NRXN3: variants seen among roughly 807,000 people sequenced by gnomAD.
NRXN3 encodes the protein neurexin III.
Under a neutral mutation model 137.6 loss-of-function variants are expected in NRXN3, and 32 were observed. That is an observed-to-expected ratio of 0.23 (90% CI 0.18 to 0.31). The LOEUF is 0.31. Among genes scored for constraint, NRXN3 ranks in the 10% least tolerant of loss-of-function variants. The probability of loss-of-function intolerance (pLI) is 1.00; values close to 1 mark genes in which losing one functional copy is unlikely to be tolerated. For missense variants in NRXN3, 1,574 were observed against 2,062.5 expected, an observed-to-expected ratio of 0.76 and a Z score of 4.59; for synonymous variants, 798 against 784.5, an observed-to-expected ratio of 1.02 and a Z score of -0.29.
At chr14:78,251,881 G>T (rs1482366949) in intron 2 of NRXN3, among the ~76,000 whole-genome samples, 4 of 152,158 alleles carry the variant, frequency 2.6e-5, no homozygotes, top group South Asian at 2.1e-4. Flanking sequence ...AAGGGGGAGT[G>T]GGGGGTTTGC....
intron 4 of NRXN3, among the ~76,000 whole-genome samples, chr14:78,453,245 T>C (rs1360832772): frequency 1.3e-5 from 2 of 152,188 alleles, no homozygotes; most frequent in Non-Finnish European, 2.9e-5. Context: ...TTCCAACATC[T>C]CCAAGAGACA....
chr14:79,105,072 G>A (rs1003753676), intron 15 of NRXN3, among the ~76,000 whole-genome samples: 17 of 152,016 alleles, frequency 1.1e-4, no homozygotes, highest in African/African-American at 3.6e-4. Flanking sequence ...TGGTTTTCTT[G>A]TGACCAAAAG....
At chr14:78,732,288 G>A (rs1319020899) in intron 8 of NRXN3, among the ~76,000 whole-genome samples, 1 of 152,170 alleles carries the variant, frequency 6.6e-6, no homozygotes, top group Non-Finnish European at 1.5e-5. Flanking sequence ...CCACTCTAGT[G>A]GAAGGGACTG....
chr14:79,418,266 T>C (rs2095526250), intron 15 of NRXN3, among the ~76,000 whole-genome samples: 1 of 152,170 alleles, frequency 6.6e-6, no homozygotes, highest in African/African-American at 2.4e-5. Context: ...TTTCAGTAAT[T>C]ATAAGTCTAT....
chr14:79,167,345 G>A (rs1219539617), intron 15 of NRXN3, among the ~76,000 whole-genome samples: 1 of 151,902 alleles, frequency 6.6e-6, no homozygotes, highest in Non-Finnish European at 1.5e-5. Context: ...GTGTGATTGG[G>A]GTAAGGAGGA....
chr14:79,805,326 A>G (rs1028701048), intron 20 of NRXN3, 136 bp downstream of exon 20: 14 of 403,774 alleles, frequency 3.5e-5, no homozygotes, highest in East Asian at 2.7e-4. Flanking sequence ...ATATCTATAT[A>G]TGTATAAGTA....
chr14:79,656,776 G>A (rs1480187439), intron 16 of NRXN3, among the ~76,000 whole-genome samples: 4 of 152,110 alleles, frequency 2.6e-5, no homozygotes, highest in African/African-American at 4.8e-5. Context: ...ACCAGGTGAA[G>A]CACAACTGCA....
chr14:78,945,090 T>C (rs1361388956), intron 10 of NRXN3, among the ~76,000 whole-genome samples: 1 of 152,218 alleles, frequency 6.6e-6, no homozygotes, highest in Non-Finnish European at 1.5e-5. Flanking sequence ...CTTCCCATCC[T>C]ATAGGTATCA....
At chr14:78,264,899 C>T (rs1266235191) in intron 2 of NRXN3, among the ~76,000 whole-genome samples, 2 of 152,142 alleles carry the variant, frequency 1.3e-5, no homozygotes, top group Non-Finnish European at 2.9e-5. Context: ...TCTTTGTTGT[C>T]TTGATGGTTG....
At chr14:78,986,118 G>A (rs10135271) in intron 14 of NRXN3, among the ~76,000 whole-genome samples, 5,763 of 152,112 alleles carry the variant, frequency 0.038, 325 homozygotes, top group African/African-American at 0.12. Context: ...TTGAACATGC[G>A]TCTTTAGGAC....
intron 16 of NRXN3, among the ~76,000 whole-genome samples, chr14:79,513,618 T>C (rs1359185738): frequency 3.3e-5 from 5 of 152,246 alleles, no homozygotes; most frequent in Non-Finnish European, 7.3e-5. Context: ...TATATGGGCT[T>C]GGATACAAAT....
chr14:79,822,807 CCAAACAAA>C lies in NRXN3; in HGVS notation c.4093+17638_4093+17645del, dbSNP rs532872192. On this transcript the variant is annotated intron_variant, in intron 20 of 20. Transcript: ENST00000335750. ...TAGATTAAAGGCACAAAATAGATTTCCAAACAAACAAACAAACAAACAAACAAAAAAAC... is the reference window on the plus strand; with the variant it reads ...TAGATTAAAGGCACAAAATAGATTTCCAAACAAACAAACAAACAAAAAAAC... 1.4e-3 allele frequency among the ~76,000 whole-genome samples: 207 copies of C among 151,646 alleles called. 2 individuals carry two copies. The highest frequency in any genetic ancestry group is 0.011 in the South Asian group (52 of 4,796).
At chr14:79,123,068 C>T (rs1167085375) in intron 15 of NRXN3, among the ~76,000 whole-genome samples, 1 of 152,124 alleles carries the variant, frequency 6.6e-6, no homozygotes, top group African/African-American at 2.4e-5. Context: ...GCCATCACCT[C>T]AGCAAGAACA....
intron 4 of NRXN3, among the ~76,000 whole-genome samples, chr14:78,432,987 C>T (rs966163600): frequency 3.3e-5 from 5 of 152,150 alleles, no homozygotes; most frequent in Admixed American, 6.6e-5. Context: ...AAACAAGATA[C>T]GTTTATTAGC....
intron 15 of NRXN3, among the ~76,000 whole-genome samples, chr14:79,386,291 G>A (rs1237259018): frequency 6.6e-6 from 1 of 152,126 alleles, no homozygotes; most frequent in Non-Finnish European, 1.5e-5. Flanking sequence ...AAAATCACAA[G>A]CATTCTTATA....
intron 15 of NRXN3, among the ~76,000 whole-genome samples, chr14:79,440,187 T>C (rs983777200): frequency 2.6e-5 from 4 of 152,214 alleles, no homozygotes; most frequent in Non-Finnish European, 4.4e-5. Context: ...CAAATTAACA[T>C]GAGAAGGCAG....
chr14:78,683,779 A>G (rs1464880975), intron 6 of NRXN3, among the ~76,000 whole-genome samples: 1 of 152,210 alleles, frequency 6.6e-6, no homozygotes, highest in Non-Finnish European at 1.5e-5. Flanking sequence ...TCACTTTCCA[A>G]AGACTCCTTT....
At chr14:78,561,669 C>G (rs2096787528) in intron 4 of NRXN3, among the ~76,000 whole-genome samples, 1 of 152,158 alleles carries the variant, frequency 6.6e-6, no homozygotes, top group Non-Finnish European at 1.5e-5. Flanking sequence ...CCTACTCTAC[C>G]TCGAACACTC....
intron 15 of NRXN3, among the ~76,000 whole-genome samples, chr14:79,388,566 GT>G (rs1441656273): frequency 1.3e-5 from 2 of 151,878 alleles, no homozygotes; most frequent in Non-Finnish European, 2.9e-5. Context: ...ATGGTGCTTT[GT>G]GGCACATAAT....
Sources: allele counts gnomAD v4.1 joint callset (sites outside exome capture counted in the v4.1 genomes callset), GRCh38; gene constraint gnomAD v4.1.1; transcripts MANE v1.5; gene names NCBI Gene and HGNC (gene_info 2026-07-23, HGNC 2026-07-21).